The following SYCP2 variants were observed in gnomAD, a reference collection of about 807,000 sequenced individuals.
SYCP2 encodes the protein synaptonemal complex protein 2.
A neutral mutation model predicts 211.3 loss-of-function variants in SYCP2; 55 were observed. The ratio of observed to expected loss-of-function variants is 0.26; its 90% CI spans 0.21 to 0.33. SYCP2 has a LOEUF of 0.33. SYCP2 is among the 10% of genes least tolerant of loss of function. The pLI, the probability that SYCP2 is intolerant of heterozygous loss-of-function variation, is 1.00. For missense variants in SYCP2, 1,731 were observed against 1,752.0 expected, an observed-to-expected ratio of 0.99 and a Z score of 0.21; for synonymous variants, 570 against 555.2, an observed-to-expected ratio of 1.03 and a Z score of -0.37.
chr20:59,908,968 C>T (rs963496697), intron 14 of SYCP2, among the ~76,000 whole-genome samples: 2 of 152,204 alleles, frequency 1.3e-5, no homozygotes, highest in African/African-American at 4.8e-5. Context: ...AATGCCTAAA[C>T]TCTTCACCAT....
intron 2 of SYCP2, among the ~76,000 whole-genome samples, chr20:59,925,822 T>C (rs2060624494): frequency 6.6e-6 from 1 of 152,054 alleles, no homozygotes; most frequent in Non-Finnish European, 1.5e-5. Context: ...TATCAATCTG[T>C]TAGATTTCTT....
At chr20:59,877,913 A>T in intron 32 of SYCP2, 95 bp downstream of exon 32, 1 of 984,298 alleles carries the variant, frequency 1.0e-6, no homozygotes, top group Non-Finnish European at 1.6e-6. Flanking sequence ...CACATAACTG[A>T]TAACAAGGAT....
chr20:59,874,553 T>C (rs1600820449), intron 34 of SYCP2, among the ~76,000 whole-genome samples: 1 of 152,178 alleles, frequency 6.6e-6, no homozygotes, highest in South Asian at 2.1e-4. Context: ...ATCTATCTCC[T>C]GAGTATGCGC....
intron 18 of SYCP2, among the ~76,000 whole-genome samples, chr20:59,897,398 C>A (rs2060030758): frequency 6.6e-6 from 1 of 152,120 alleles, no homozygotes; most frequent in African/African-American, 2.4e-5. Context: ...TGAATGGAAC[C>A]TGAACAGTTA....
chr20:59,869,321 G>C (rs1415857181), intron 36 of SYCP2, among the ~76,000 whole-genome samples: 1 of 151,650 alleles, frequency 6.6e-6, no homozygotes, highest in Non-Finnish European at 1.5e-5. Flanking sequence ...CCTTTACATA[G>C]GTTACTGATT....
At chr20:59,924,360 T>C (rs1285817470) in intron 2 of SYCP2, among the ~76,000 whole-genome samples, 3 of 152,018 alleles carry the variant, frequency 2.0e-5, no homozygotes, top group East Asian at 1.9e-4. Flanking sequence ...TCCTGTGTCA[T>C]GTAAAACATG....
intron 3 of SYCP2, 71 bp from the exon 4 acceptor site, chr20:59,921,524 T>C: frequency 2.6e-6 from 3 of 1,146,624 alleles, no homozygotes; most frequent in Non-Finnish European, 3.5e-6. Context: ...ATCTAGTAAT[T>C]TGAGAACCGT....
In SYCP2 at chr20:59,895,544, C is replaced by G. The variant is rs751746819; in HGVS notation, c.1558G>C (p.Ala520Pro). ...IKPPLQMTSS[A>P]EKPSVSQTSE... ...GTTTGAGAAACACTAGGTTTCTCTG[C>G]AGAGCTCGTCATTTGCAGTGGTGGT... The change falls in exon 20 of 45, where the codon GCA becomes CCA. Residue 520 changes from alanine to proline, a missense_variant. This residue lies in a region of SYCP2 where 1,387 missense variants were observed against 1,351.3 expected (regional missense o/e 1.03). Coordinates refer to ENST00000357552, the MANE Select transcript of SYCP2 (RefSeq NM_014258.4). The G allele has an allele frequency of 2.8e-5, 45 of 1,610,480 alleles. No homozygotes were observed. The highest frequency in any genetic ancestry group is 3.7e-5 in the Non-Finnish European group (44 of 1,177,340).
intron 35 of SYCP2, among the ~76,000 whole-genome samples, chr20:59,871,744 C>T (rs1164774993): frequency 6.6e-6 from 1 of 151,764 alleles, no homozygotes; most frequent in Admixed American, 6.6e-5. Context: ...TAAGTAATCT[C>T]TAGATTACTT....
chr20:59,923,141 T>C (rs962310556), intron 2 of SYCP2, among the ~76,000 whole-genome samples: 25 of 151,866 alleles, frequency 1.6e-4, no homozygotes, highest in African/African-American at 6.0e-4. Flanking sequence ...TAAAGAGAGA[T>C]TCCATGCTTA....
At chr20:59,917,540 G>T (rs1174389101) in intron 7 of SYCP2, among the ~76,000 whole-genome samples, 1 of 152,124 alleles carries the variant, frequency 6.6e-6, no homozygotes, top group East Asian at 1.9e-4. Flanking sequence ...GGTGCTTTAG[G>T]ATTTTTTCCC....
At chr20:59,877,655 A>G (rs2145650181) in intron 32 of SYCP2, 100 bp from the exon 33 acceptor site, 2 of 946,940 alleles carry the variant, frequency 2.1e-6, no homozygotes, top group East Asian at 5.0e-5. Context: ...TTTACATAAA[A>G]TATTTGTAAG....
chr20:59,898,794 C>G (rs1482584166), intron 18 of SYCP2, among the ~76,000 whole-genome samples: 1 of 151,964 alleles, frequency 6.6e-6, no homozygotes, highest in Non-Finnish European at 1.5e-5. Flanking sequence ...ACTTGCAAAT[C>G]TAAGTATGCT....
At chr20:59,906,260 C>A (rs1407900170) in intron 15 of SYCP2, among the ~76,000 whole-genome samples, 1 of 151,988 alleles carries the variant, frequency 6.6e-6, no homozygotes, top group Non-Finnish European at 1.5e-5. Context: ...TTTTAAAAAA[C>A]CACAATGTTG....
chr20:59,869,322 G>C (rs1475454375), intron 36 of SYCP2, among the ~76,000 whole-genome samples: 1 of 151,632 alleles, frequency 6.6e-6, no homozygotes, highest in Non-Finnish European at 1.5e-5. Flanking sequence ...CTTTACATAG[G>C]TTACTGATTT....
At position 59,879,814 on chromosome 20, in the gene SYCP2, T is replaced by TATAA. The variant is rs869104359; in HGVS notation, c.2941+485_2941+488dup. 5.1e-4 allele frequency among the ~76,000 whole-genome samples: 16 copies of TATAA among 31,624 alleles called. No individual in the cohort carries two copies. In the East Asian group the frequency reaches 0.012, roughly 23 times the overall value. 20.7% of individuals were successfully genotyped at this position (31,624 alleles called of 152,430 possible). On this transcript the variant is annotated intron_variant, in intron 31 of 44. Coordinates refer to ENST00000357552, the MANE Select transcript of SYCP2 (RefSeq NM_014258.4). ...GCAAGAAGATGGGATATTTAGTAAA[T>TATAA]ATAAATAAATATATATATATATATA...
rs6070981 is a variant in SYCP2, at chr20:59,867,771, C to A, written c.4065G>T (p.Gly1355=). The part of the protein sequence containing the change: ...PWETWQNEFA[G]IEMTYETYER... ...CGTAAGTCTCATAAGTCATCTCTAT[C>A]CCTGCAAATTCATTTTGCCAGGTCT... Residue 1355 remains glycine (G), a synonymous_variant, in exon 39 of 45, where the codon GGG becomes GGT. Transcript: ENST00000357552. The A allele has an allele frequency of 0.029, 46,325 of 1,609,312 alleles. 761 individuals carry two copies. Among genetic ancestry groups the A allele is most frequent in the Middle Eastern group, 0.044 (265 of 6,032 alleles).
chr20:59,886,362 T>G (rs1379982092), intron 25 of SYCP2, among the ~76,000 whole-genome samples: 2 of 152,094 alleles, frequency 1.3e-5, no homozygotes, highest in Admixed American at 6.6e-5. Flanking sequence ...CATATCTGGT[T>G]AAATTCTGTA....
chr20:59,919,135 T>C (rs778928232), intron 7 of SYCP2, 23 bp downstream of exon 7: 12 of 1,207,410 alleles, frequency 9.9e-6, no homozygotes, highest in Admixed American at 2.1e-5. Context: ...ATTGTTCCAA[T>C]AGAAAATAAG....
Sources: allele counts gnomAD v4.1 joint callset (sites outside exome capture counted in the v4.1 genomes callset), GRCh38; gene constraint gnomAD v4.1.1; regional missense constraint gnomAD v4.1.1; transcripts MANE v1.5; gene names NCBI Gene and HGNC (gene_info 2026-07-23, HGNC 2026-07-21).